Variants in RSKR observed in about 807,000 individuals in gnomAD.
The protein encoded by RSKR is ribosomal protein S6 kinase related.
Under a neutral mutation model 56.8 loss-of-function variants are expected in RSKR, and 44 were observed. The ratio of observed to expected loss-of-function variants is 0.77; its 90% CI spans 0.61 to 1.00. RSKR has a LOEUF of 1.00. RSKR is among the 50% of genes least tolerant of loss of function. The probability of loss-of-function intolerance (pLI) is 0.00; values close to 1 mark genes in which losing one functional copy is unlikely to be tolerated. For missense variants in RSKR, 510 were observed against 506.9 expected, an observed-to-expected ratio of 1.01 and a Z score of -0.06; for synonymous variants, 181 against 188.0, an observed-to-expected ratio of 0.96 and a Z score of 0.30.
In RSKR at chr17:28,611,566, CCCATGTA is replaced by C. The variant is rs1174131440; in HGVS notation, c.805_811del (p.Tyr269ProfsTer5). On this transcript the variant is annotated frameshift_variant and splice_region_variant, in exon 9 of 12. Coordinates refer to ENST00000301037, the MANE Select transcript of RSKR (RefSeq NM_001174103.2). LOFTEE classifies it high-confidence loss of function. ...TACCCATCAGCTTTAACCTCTCTCA[CCCATGTA>C]CTGAAGAGTGCCACAGATAGTGTAG... 1.9e-6 allele frequency: 3 copies of C among 1,556,750 alleles called. No individual in the cohort carries two copies. The South Asian group carries it at 3.7e-5, about 19-fold the overall frequency.
At position 28,610,943 on chromosome 17, in the gene RSKR, T is replaced by C. The variant is rs907626680; in HGVS notation, c.1011+200A>G. ...TCCACTCTCTCAGAAGGGACCTCTC[T>C]GTTCTAGATGGGGAGGAGATTTGGG... On this transcript the variant is annotated intron_variant, in intron 11 of 11. Transcript: ENST00000301037. 1.2e-5 allele frequency: 8 copies of C among 651,946 alleles called. No individual in the cohort carries two copies. The African/African-American group carries it at 1.5e-4, about 12-fold the overall frequency. 40.4% of individuals were successfully genotyped at this position (651,946 alleles called of 1,614,324 possible).
In RSKR at chr17:28,610,583, A is replaced by G. The variant is rs2070798322; in HGVS notation, c.1128T>C (p.Phe376=). 1.3e-6 allele frequency: 2 copies of G among 1,536,066 alleles called. No individual in the cohort carries two copies. The highest frequency in any genetic ancestry group is 1.7e-6 in the Non-Finnish European group (2 of 1,146,896). The part of the protein sequence containing the change: ...PELLQKQPVN[F]VTETQATQPS... ...GCTGGGTAGCTTGTGTCTCCGTGAC[A>G]AAGTTCACTGGCTGCTTCTGTAGGA... The change falls in exon 12 of 12, where the codon TTT becomes TTC. Residue 376 remains phenylalanine (F), a synonymous_variant. Transcript: ENST00000301037.
chr17:28,611,963 A>C (rs2070821730), intron 7 of RSKR, 81 bp downstream of exon 7: 1 of 1,613,790 alleles, frequency 6.2e-7, no homozygotes, highest in Non-Finnish European at 8.5e-7. Context: ...TACAGTTCTC[A>C]GCTCCCTAAC....
intron 8 of RSKR, 35 bp downstream of exon 8, chr17:28,611,731 CCT>C: frequency 1.9e-6 from 3 of 1,613,930 alleles, no homozygotes; most frequent in Non-Finnish European, 2.5e-6. Context: ...AACCAAAGTA[CCT>C]CTCATCCTGG....
At position 28,610,420 on chromosome 17, in the gene RSKR, T is replaced by G; in HGVS notation, c.*58A>C. The stretch of plus-strand genomic sequence containing the variant: ...GGATTATCAAGGTGGTCATACTGAG[T>G]AGGCAGGGATGGAGATCTTCAGGCT... On this transcript the variant is annotated 3_prime_UTR_variant, in exon 12 of 12. Coordinates refer to ENST00000301037, the MANE Select transcript of RSKR (RefSeq NM_001174103.2). The G allele has an allele frequency of 7.1e-7, 1 of 1,415,712 alleles. No homozygotes were observed. Among genetic ancestry groups the G allele is most frequent in the South Asian group, 1.2e-5 (1 of 81,330 alleles). The allele number at this position is 1,415,712 out of a possible 1,614,324, so 87.7% of individuals were successfully genotyped here. A position where few individuals can be genotyped will look rare whatever the true frequency, so the allele number is the denominator to read the frequency against.
chr17:28,612,344 A>T lies in RSKR; in HGVS notation c.570T>A (p.Asp190Glu), dbSNP rs371179946. The part of the protein sequence containing the change: ...LFIMCSYCST[D>E]LYSLWSAVGC... Reference sequence around the variant, plus strand: ...CAACAGCCGACCAAAGGGAGTACAGATCTGTGCTGCAGTAGCTACACACTG... The same window carrying T: ...CAACAGCCGACCAAAGGGAGTACAGTTCTGTGCTGCAGTAGCTACACACTG... Residue 190 changes from aspartate to glutamate, a missense_variant, in exon 6 of 12, where the codon GAT becomes GAA. By Grantham distance (45) the Asp-to-Glu change is conservative (BLOSUM62 2). Transcript: ENST00000301037. 700 of 1,614,060 alleles carry T rather than the reference A, an allele frequency of 4.3e-4. No individual in the cohort carries two copies. Among genetic ancestry groups the T allele is most frequent in the Non-Finnish European group, 5.7e-4 (675 of 1,180,032 alleles).
In RSKR at chr17:28,610,406, G is replaced by GT; in HGVS notation, c.*71dup. 1.5e-6 allele frequency: 2 copies of GT among 1,303,944 alleles called. No homozygotes were observed. The highest frequency in any genetic ancestry group is 2.6e-5 in the South Asian group (2 of 78,374). 80.8% of individuals were successfully genotyped at this position (1,303,944 alleles called of 1,614,324 possible). On this transcript the variant is annotated 3_prime_UTR_variant, in exon 12 of 12. Coordinates refer to ENST00000301037, the MANE Select transcript of RSKR (RefSeq NM_001174103.2). The stretch of plus-strand genomic sequence containing the variant: ...AATAAAAACAAACTGGATTATCAAG[G>GT]TGGTCATACTGAGTAGGCAGGGATG...
intron 1 of RSKR, 120 bp downstream of exon 1, chr17:28,613,967 T>A: frequency 7.5e-7 from 1 of 1,339,842 alleles, no homozygotes; most frequent in Admixed American, 1.9e-5. Context: ...TAGTACAGCC[T>A]CCCTGCCCCA....
Position 28,613,257 on chromosome 17 carries a change from C to G in RSKR, c.408+5G>C, listed in dbSNP as rs371409907. 1 of 1,613,976 alleles carries G rather than the reference C, an allele frequency of 6.2e-7. No homozygotes were observed. Among genetic ancestry groups the G allele is most frequent in the Non-Finnish European group, 8.5e-7 (1 of 1,180,014 alleles). ...CAGAGACTAATGTGGTATCTACGCCCCTACCTTCACTGCAAATACAGCTTT... is the reference window on the plus strand; with the variant it reads ...CAGAGACTAATGTGGTATCTACGCCGCTACCTTCACTGCAAATACAGCTTT... On this transcript the variant is annotated splice_donor_5th_base_variant and intron_variant, in intron 3 of 11. Coordinates refer to ENST00000301037, the MANE Select transcript of RSKR (RefSeq NM_001174103.2).
rs1217880642 is a variant in RSKR, at chr17:28,614,138, C to G, written c.24G>C (p.Gln8His). 6.2e-7 allele frequency: 1 copy of G among 1,613,648 alleles called. No individual in the cohort carries two copies. Among genetic ancestry groups the G allele is most frequent in the South Asian group, 1.1e-5 (1 of 91,086 alleles). Reference protein sequence around the residue: MGAVSCRQGQHTQQGEHT... With the variant: MGAVSCRHGQHTQQGEHT... ...GTTCCCCCTGCTGGGTGTGCTGCCC[C>G]TGCCGACAGCTTACTGCTCCCATTC... Residue 8 changes from glutamine (Q) to histidine (H), a missense_variant, in exon 1 of 12, where the codon CAG becomes CAC. Gln to His is a conservative substitution (Grantham distance 24, BLOSUM62 0). Coordinates refer to ENST00000301037, the MANE Select transcript of RSKR (RefSeq NM_001174103.2).
chr17:28,614,142 C>T lies in RSKR; in HGVS notation c.20G>A (p.Arg7Gln), dbSNP rs562311472. 2.0e-5 allele frequency: 33 copies of T among 1,613,586 alleles called. No individual in the cohort carries two copies. Among genetic ancestry groups the T allele is most frequent in the Admixed American group, 1.7e-4 (10 of 60,012 alleles). Residue 7 changes from arginine to glutamine, a missense_variant, in exon 1 of 12, where the codon CGG becomes CAG. Coordinates refer to ENST00000301037, the MANE Select transcript of RSKR (RefSeq NM_001174103.2). MGAVSC[R>Q]QGQHTQQGEH... ...CCCCTGCTGGGTGTGCTGCCCCTGC[C>T]GACAGCTTACTGCTCCCATTCCCAG...
In RSKR at chr17:28,612,017, CAA is replaced by C. The variant is rs778722380; in HGVS notation, c.693+25_693+26del. ...CTTCTTATTGAGACTCTTTCTCAGA[CAA>C]AGGGAAAAAAGCACTTAACTCTACC... On this transcript the variant is annotated intron_variant, in intron 7 of 11. Transcript: ENST00000301037. The C allele has an allele frequency of 8.7e-6, 14 of 1,614,058 alleles. No homozygotes were observed. The African/African-American group carries it at 1.9e-4, about 22-fold the overall frequency.
In RSKR at chr17:28,611,660, T is replaced by C; in HGVS notation, c.722-4A>G. 6.3e-7 allele frequency: 1 copy of C among 1,598,600 alleles called. No homozygotes were observed. Among genetic ancestry groups the C allele is most frequent in the Non-Finnish European group, 8.5e-7 (1 of 1,173,038 alleles). On this transcript the variant is annotated splice_polypyrimidine_tract_variant and splice_region_variant and intron_variant, in intron 8 of 11. Transcript: ENST00000301037. ...AAGTCTGTCAGTTTCAGATGGCCTA[T>C]GAAAGAAGGTAAGGCAACTGCACCA...
rs752414881 is a variant in RSKR at position 28,611,213 on chromosome 17, G to T, written c.941C>A (p.Ala314Glu). Residue 314 changes from alanine to glutamate, a missense_variant, in exon 11 of 12, where the codon GCA becomes GAA. Coordinates refer to ENST00000301037, the MANE Select transcript of RSKR (RefSeq NM_001174103.2). ...AAERDHVAML[A>E]SVTHSDSEIP... ...CTCAGAGTCACTGTGGGTCACACTT[G>T]CCAACATGGCCACATGATCTCTCTC... 1.3e-6 allele frequency: 2 copies of T among 1,536,230 alleles called. No individual in the cohort carries two copies. The highest frequency in any genetic ancestry group is 2.4e-5 in the South Asian group (2 of 84,062).
Position 28,613,645 on chromosome 17 carries a change from C to A in RSKR, c.119G>T (p.Ser40Ile), listed in dbSNP as rs1185235270. ...GATGGTTCCCAAACCTGTCCAGAGGCTCTTCCAGCCTCGGGCCCAGGGACC... is the reference window on the plus strand; with the variant it reads ...GATGGTTCCCAAACCTGTCCAGAGGATCTTCCAGCCTCGGGCCCAGGGACC... ...IRGPWARGWK[S>I]LWTGLGTIRS... The change falls in exon 2 of 12, where the codon AGC becomes ATC. Residue 40 changes from serine to isoleucine, a missense_variant. By Grantham distance (142) the Ser-to-Ile change is moderately radical. Coordinates refer to ENST00000301037, the MANE Select transcript of RSKR (RefSeq NM_001174103.2). 1.2e-6 allele frequency: 2 copies of A among 1,614,162 alleles called. No homozygotes were observed. The highest frequency in any genetic ancestry group is 1.7e-6 in the Non-Finnish European group (2 of 1,180,030).
chr17:28,610,916 G>A, intron 11 of RSKR: 3 of 653,120 alleles, frequency 4.6e-6, no homozygotes, highest in Non-Finnish European at 7.8e-6. Flanking sequence ...AGTGTACAGT[G>A]TTCCACTCTC....
chr17:28,611,907 G>A, intron 7 of RSKR, 112 bp from the exon 8 acceptor site: 4 of 1,611,140 alleles, frequency 2.5e-6, no homozygotes, highest in South Asian at 1.1e-5. Flanking sequence ...TCTATACTCA[G>A]AGAGCCCTTC....
rs146601292 is a variant in RSKR, at chr17:28,614,117, C to T, written c.45G>A (p.Gly15=). ...GAGGGACAGCCACCCGGGTGTGTTC[C>T]CCCTGCTGGGTGTGCTGCCCCTGCC... ...SCRQGQHTQQ[G]EHTRVAVPHK... is the part of the protein sequence containing the mutation. The change falls in exon 1 of 12, where the codon GGG becomes GGA. Residue 15 remains glycine, a synonymous_variant. Coordinates refer to ENST00000301037, the MANE Select transcript of RSKR (RefSeq NM_001174103.2). The T allele has an allele frequency of 2.3e-4, 369 of 1,613,718 alleles. No individual in the cohort carries two copies. The African/African-American group carries it at 4.5e-3, about 20-fold the overall frequency.
intron 1 of RSKR, 41 bp downstream of exon 1, chr17:28,614,046 C>A: frequency 6.3e-7 from 1 of 1,599,942 alleles, no homozygotes; most frequent in Non-Finnish European, 8.6e-7. Context: ...CCATGTCTCC[C>A]TCTCCTCCCC....
Sources: allele counts gnomAD v4.1 joint callset, GRCh38; gene constraint gnomAD v4.1.1; transcripts MANE v1.5; gene names NCBI Gene and HGNC (gene_info 2026-07-23, HGNC 2026-07-21).